Variants in LRP1B observed in about 807,000 individuals in gnomAD.
LRP1B encodes the protein low-density lipoprotein receptor-related protein 1B.
A neutral mutation model predicts 556.6 loss-of-function variants in LRP1B; 217 were observed. That is an observed-to-expected ratio of 0.39 (90% confidence interval 0.35 to 0.44). The LOEUF (loss-of-function observed/expected upper bound fraction) is 0.44. Among genes scored for constraint, LRP1B ranks in the 20% least tolerant of loss-of-function variants. The probability of loss-of-function intolerance (pLI) is 1.00; values close to 1 mark genes in which losing one functional copy is unlikely to be tolerated. For missense variants in LRP1B, 5,053 were observed against 5,620.8 expected (o/e 0.90, Z 3.23); for synonymous variants, 2,047 against 1,865.8 (o/e 1.10, Z -2.50).
At chr2:141,197,362 C>T (rs1023603045) in intron 6 of LRP1B, among the ~76,000 whole-genome samples, 5 of 152,090 alleles carry the variant, frequency 3.3e-5, no homozygotes, top group African/African-American at 1.2e-4. Context: ...TAGATTTTTA[C>T]TTACACTCAC....
chr2:142,104,632 G>C (rs1248020272), intron 1 of LRP1B, among the ~76,000 whole-genome samples: 2 of 152,136 alleles, frequency 1.3e-5, no homozygotes, highest in Admixed American at 1.3e-4. Context: ...CATTAGTACT[G>C]TGTTTGCATT....
chr2:141,234,945 A>T (rs1236393277), intron 5 of LRP1B, among the ~76,000 whole-genome samples: 2 of 152,162 alleles, frequency 1.3e-5, no homozygotes, highest in East Asian at 3.8e-4. Context: ...TTCTTTTTCA[A>T]AACATAATGG....
At chr2:140,361,326 A>G (rs1425769926) in intron 72 of LRP1B, among the ~76,000 whole-genome samples, 2 of 112,630 alleles carry the variant, frequency 1.8e-5, no homozygotes, top group African/African-American at 6.4e-5. Flanking sequence ...ATATTTATCA[A>G]TGCTACTTGG....
intron 2 of LRP1B, among the ~76,000 whole-genome samples, chr2:141,801,834 T>TAATATATCTTC (rs1696016698): frequency 6.6e-6 from 1 of 152,152 alleles, no homozygotes; most frequent in Non-Finnish European, 1.5e-5. Flanking sequence ...AAGAAAAATT[T>TAATATATCTTC]AAGAAATTTT....
chr2:141,719,737 G>A (rs1692747369), intron 2 of LRP1B, among the ~76,000 whole-genome samples: 1 of 152,062 alleles, frequency 6.6e-6, no homozygotes, highest in South Asian at 2.1e-4. Flanking sequence ...GATGCACCTG[G>A]AGATGATTAT....
chr2:140,448,821 A>G (rs996983931), intron 63 of LRP1B, among the ~76,000 whole-genome samples: 4 of 152,128 alleles, frequency 2.6e-5, no homozygotes, highest in Non-Finnish European at 4.4e-5. Flanking sequence ...TAATTTTGCC[A>G]TTCCACAATG....
intron 33 of LRP1B, among the ~76,000 whole-genome samples, chr2:140,774,777 TACA>T (rs1689433812): frequency 6.6e-6 from 1 of 152,186 alleles, no homozygotes; most frequent in Non-Finnish European, 1.5e-5. Context: ...TGAATGGCAG[TACA>T]ATTATTTTGA....
chr2:140,802,552 T>C (rs2105011431), intron 32 of LRP1B, among the ~76,000 whole-genome samples: 1 of 152,282 alleles, frequency 6.6e-6, no homozygotes, highest in East Asian at 1.9e-4. Context: ...CAACATCAAT[T>C]CCACTTGTTA....
intron 66 of LRP1B, among the ~76,000 whole-genome samples, chr2:140,407,213 T>A (rs1304989922): frequency 6.6e-6 from 1 of 151,894 alleles, no homozygotes; most frequent in Non-Finnish European, 1.5e-5. Flanking sequence ...AAGACCTAAA[T>A]CTAAAACATA....
chr2:141,468,916 C>T (rs960505661), intron 3 of LRP1B, among the ~76,000 whole-genome samples: 1 of 152,218 alleles, frequency 6.6e-6, no homozygotes, highest in African/African-American at 2.4e-5. Flanking sequence ...AGAAGAAGCT[C>T]GTTAAGCAGA....
At chr2:140,624,388 C>T (rs541624959) in intron 41 of LRP1B, among the ~76,000 whole-genome samples, 5 of 152,222 alleles carry the variant, frequency 3.3e-5, no homozygotes, top group African/African-American at 1.2e-4. Context: ...ACCAGTTTAC[C>T]ATGCCATTTG....
At chr2:141,983,853 G>A (rs1049566758) in intron 1 of LRP1B, among the ~76,000 whole-genome samples, 1 of 152,130 alleles carries the variant, frequency 6.6e-6, no homozygotes, top group Non-Finnish European at 1.5e-5. Context: ...CTGAGGTCAG[G>A]AGTTCGACAC....
At chr2:140,702,676 G>A (rs570865430) in intron 37 of LRP1B, 123 bp from the exon 38 acceptor site, 91 of 862,286 alleles carry the variant, frequency 1.1e-4, no homozygotes, top group African/African-American at 8.9e-4. Flanking sequence ...AATACATTTC[G>A]GAAGTTAATA....
chr2:140,352,816 A>G (rs1682033032), intron 76 of LRP1B, 137 bp downstream of exon 76: 1 of 787,378 alleles, frequency 1.3e-6, no homozygotes, highest in African/African-American at 1.8e-5. Context: ...TAACTAACCA[A>G]CTGGCCAAAT....
intron 1 of LRP1B, among the ~76,000 whole-genome samples, chr2:141,848,605 C>A (rs1350116605): frequency 1.3e-5 from 2 of 151,350 alleles, no homozygotes; most frequent in Non-Finnish European, 3.0e-5. Flanking sequence ...AGATAATTAT[C>A]TTTATAACAA....
intron 20 of LRP1B, among the ~76,000 whole-genome samples, chr2:140,948,975 A>G (rs1368294802): frequency 6.6e-6 from 1 of 152,238 alleles, no homozygotes; most frequent in Non-Finnish European, 1.5e-5. Flanking sequence ...CAAAAGACAA[A>G]AGGAATCTAT....
intron 37 of LRP1B, among the ~76,000 whole-genome samples, chr2:140,707,184 T>C (rs1686870043): frequency 6.6e-6 from 1 of 152,136 alleles, no homozygotes; most frequent in African/African-American, 2.4e-5. Flanking sequence ...CTTCCTACTT[T>C]TCTGGCTTCC....
intron 3 of LRP1B, among the ~76,000 whole-genome samples, chr2:141,423,065 G>A (rs542521952): frequency 1.3e-5 from 2 of 152,080 alleles, no homozygotes; most frequent in South Asian, 2.1e-4. Context: ...AAGAAAACAG[G>A]GTGTTGTAAA....
chr2:141,887,878 A>C (rs901453111), intron 1 of LRP1B, among the ~76,000 whole-genome samples: 2 of 152,248 alleles, frequency 1.3e-5, no homozygotes, highest in African/African-American at 4.8e-5. Context: ...AAACAGAACA[A>C]AACCAAAAAC....
Sources: gnomAD v4.1 joint callset for allele counts (sites outside exome capture counted in the v4.1 genomes callset) on GRCh38, gnomAD v4.1.1 for gene constraint, MANE v1.5 for transcripts, NCBI Gene and HGNC (gene_info 2026-07-23, HGNC 2026-07-21) for gene names.